The following HELQ variants were observed in gnomAD, a reference collection of about 807,000 sequenced individuals.
HELQ encodes helicase, POLQ like, also known as helicase POLQ-like.
Under a neutral mutation model 111.6 loss-of-function variants are expected in HELQ, and 77 were observed. The observed-to-expected ratio is 0.69, with a 90% CI of 0.57 to 0.83. HELQ has a LOEUF of 0.83. HELQ is among the 40% of genes least tolerant of loss of function. The pLI, the probability that HELQ is intolerant of heterozygous loss-of-function variation, is 0.00. For synonymous variants in HELQ, 438 were observed against 454.7 expected (o/e 0.96, Z 0.47); for missense variants, 1,200 against 1,288.5 (o/e 0.93, Z 1.05).
chr4:83,455,654 G>A lies in HELQ; in HGVS notation c.40C>T (p.Leu14Phe). ...CGSRIRRRVS[L>F]PKRNRPSLGC... is the part of the protein sequence containing the mutation. The stretch of plus-strand genomic sequence containing the variant: ...AAGCTTGGACGGTTCCTTTTGGGGA[G>A]AGACACCCGCCGGCGGATGCGGGAA... Residue 14 changes from leucine to phenylalanine, a missense_variant, in exon 1 of 18, where the codon CTC becomes TTC. Around this residue, in one of 3 missense-constraint regions of HELQ, gnomAD observed 610 missense variants for 607.1 expected, o/e 1.00. Transcript: ENST00000295488. 8 of 1,612,540 alleles carry A rather than the reference G, an allele frequency of 5.0e-6. No individual in the cohort carries two copies. The highest frequency in any genetic ancestry group is 6.8e-6 in the Non-Finnish European group (8 of 1,179,974).
intron 8 of HELQ, among the ~76,000 whole-genome samples, 184 bp from the exon 9 acceptor site, chr4:83,437,281 C>G (rs1048685813): frequency 2.0e-5 from 3 of 152,124 alleles, no homozygotes; most frequent in African/African-American, 7.2e-5. Flanking sequence ...GTCTCTCAAT[C>G]TTTTTGTGGA....
At position 83,407,509 on chromosome 4, in the gene HELQ, G is replaced by A; in HGVS notation, c.3250C>T (p.Leu1084=). The change falls in exon 18 of 18, where the codon CTA becomes TTA. Residue 1084 remains leucine, a synonymous_variant. Transcript: ENST00000295488. The stretch of plus-strand genomic sequence containing the variant: ...CCAGGGAAATCAGAAGGCAATCTTA[G>A]TAACTCTTCTACCTCTTCTTGCAGG... ...EALQEEVEEL[L]RLPSDFPGAV... 1 of 1,611,806 alleles carries A rather than the reference G, an allele frequency of 6.2e-7. No homozygotes were observed.
At chr4:83,449,786 C>A (rs1464022155) in intron 2 of HELQ, among the ~76,000 whole-genome samples, 1 of 151,594 alleles carries the variant, frequency 6.6e-6, no homozygotes, top group Non-Finnish European at 1.5e-5. Flanking sequence ...ATGCAAATGG[C>A]CAATAAATAC....
At position 83,455,468 on chromosome 4, in the gene HELQ, C is replaced by A. The variant is rs569351182; in HGVS notation, c.226G>T (p.Val76Phe). 1.2e-6 allele frequency: 2 copies of A among 1,614,186 alleles called. No individual in the cohort carries two copies. Among genetic ancestry groups the A allele is most frequent in the East Asian group, 4.5e-5 (2 of 44,888 alleles). ...LLLSDSPECLVLGGGDTNPDL... is the reference protein window; with the variant it reads ...LLLSDSPECLFLGGGDTNPDL... The stretch of plus-strand genomic sequence containing the variant: ...GGGTTTGTATCACCACCTCCAAGGA[C>A]GAGACATTCCGGGGAATCTGAGAGT... Residue 76 changes from valine to phenylalanine, a missense_variant, in exon 1 of 18, where the codon GTC becomes TTC. Val to Phe is a conservative substitution (Grantham distance 50). Around this residue, in one of 3 missense-constraint regions of HELQ, gnomAD observed 610 missense variants for 607.1 expected, o/e 1.00. Coordinates refer to ENST00000295488, the MANE Select transcript of HELQ (RefSeq NM_133636.5).
intron 7 of HELQ, among the ~76,000 whole-genome samples, 185 bp from the exon 8 acceptor site, chr4:83,440,193 TC>T (rs1224820925): frequency 6.6e-6 from 1 of 152,206 alleles, no homozygotes; most frequent in Non-Finnish European, 1.5e-5. Context: ...ATCTCACTTT[TC>T]TTTTAGGTTA....
intron 13 of HELQ, among the ~76,000 whole-genome samples, chr4:83,427,220 T>C (rs1719894673): frequency 6.6e-6 from 1 of 152,188 alleles, no homozygotes; most frequent in Non-Finnish European, 1.5e-5. Flanking sequence ...AATATGTTTA[T>C]ATTTAAGAGA....
At chr4:83,449,453 C>A (rs1721231138) in intron 2 of HELQ, among the ~76,000 whole-genome samples, 1 of 152,238 alleles carries the variant, frequency 6.6e-6, no homozygotes, top group South Asian at 2.1e-4. Context: ...AACTAGCTCT[C>A]ATGGAGACCT....
rs1213095843 is a variant in HELQ at position 83,453,235 on chromosome 4, T to C, written c.1008A>G (p.Leu336=). The part of the protein sequence containing the change: ...LYAQFKGIEK[L]YEWQHTCLTL... ...TATTCCAGCAAAAAGCATTACCATA[T>C]AATTTTTCAATTCCCTTGAATTGGG... Residue 336 remains leucine, a synonymous_variant, in exon 2 of 18, where the codon TTA becomes TTG. Coordinates refer to ENST00000295488, the MANE Select transcript of HELQ (RefSeq NM_133636.5). 2 of 1,593,346 alleles carry C rather than the reference T, an allele frequency of 1.3e-6. No individual in the cohort carries two copies. Among genetic ancestry groups the C allele is most frequent in the African/African-American group, 2.7e-5 (2 of 73,720 alleles).
chr4:83,455,751 A>G lies in HELQ; in HGVS notation c.-58T>C. On this transcript the variant is annotated 5_prime_UTR_variant, in exon 1 of 18. It removes an upstream start codon present in the reference 5' UTR. Transcript: ENST00000295488. ...TCTCAGTGACCCAGACGCTAAGCCC[A>G]TATGGAAGGGAGAGTGGGACGCCGG... is the stretch of plus-strand genomic sequence containing the variant. 6.6e-7 allele frequency: 1 copy of G among 1,516,992 alleles called. No homozygotes were observed. Among genetic ancestry groups the G allele is most frequent in the Admixed American group, 1.8e-5 (1 of 56,484 alleles). The allele number at this position is 1,516,992 out of a possible 1,614,324, so 94.0% of individuals were successfully genotyped here.
chr4:83,424,073 GTAAT>G (rs1283617355), intron 14 of HELQ, among the ~76,000 whole-genome samples: 2 of 152,042 alleles, frequency 1.3e-5, no homozygotes, highest in African/African-American at 2.4e-5. Flanking sequence ...CATTAAACTA[GTAAT>G]TAATCCATTT....
chr4:83,446,198 A>T (rs1196391956), intron 4 of HELQ, 112 bp from the exon 5 acceptor site: 8 of 711,488 alleles, frequency 1.1e-5, no homozygotes, highest in African/African-American at 1.8e-5. Context: ...TATAACTTTT[A>T]AGTATTTTGA....
Position 83,453,477 on chromosome 4 carries a change from T to A in HELQ, c.766A>T (p.Ser256Cys). The A allele has an allele frequency of 6.2e-7, 1 of 1,612,054 alleles. No homozygotes were observed. The highest frequency in any genetic ancestry group is 8.5e-7 in the Non-Finnish European group (1 of 1,179,522). ...CTTTTTCTCCTGTTCATATCTGAAC[T>A]AGTTCTGACTTTGGAAGAGGACTCA... ...NDESSSKVRT[S>C]SDMNRRKSIK... The change falls in exon 2 of 18, where the codon AGT (serine) becomes TGT (cysteine). Residue 256 changes from serine to cysteine, a missense_variant. Coordinates refer to ENST00000295488, the MANE Select transcript of HELQ (RefSeq NM_133636.5).
intron 15 of HELQ, 79 bp downstream of exon 15, chr4:83,421,484 G>A (rs1739679458): frequency 3.0e-6 from 3 of 1,014,930 alleles, no homozygotes; most frequent in Non-Finnish European, 2.9e-6. Flanking sequence ...CTGACATACT[G>A]ACTAACTGGC....
intron 17 of HELQ, among the ~76,000 whole-genome samples, chr4:83,409,298 C>A (rs969914618): frequency 2.6e-5 from 4 of 152,116 alleles, no homozygotes; most frequent in African/African-American, 9.7e-5. Context: ...TGCCTGTAAT[C>A]CCAGCACTTT....
chr4:83,425,121 A>G (rs961447727), intron 14 of HELQ, among the ~76,000 whole-genome samples: 2 of 151,916 alleles, frequency 1.3e-5, no homozygotes, highest in African/African-American at 4.8e-5. Context: ...CTCTCCTAAA[A>G]ATACAAAAAT....
In HELQ at chr4:83,439,892, T is replaced by A. The variant is rs1274824657; in HGVS notation, c.1779A>T (p.Val593=). ...FCPSKKNCEN[V]AEMICKFLSK... is the part of the protein sequence containing the mutation. ...TTAAAAATTTGCATATCATTTCTGCTACATTTTCACAGTTCTTCTTACTAG... is the reference window on the plus strand; with the variant it reads ...TTAAAAATTTGCATATCATTTCTGCAACATTTTCACAGTTCTTCTTACTAG... The change falls in exon 8 of 18, where the codon GTA becomes GTT. Residue 593 remains valine, a synonymous_variant. Transcript: ENST00000295488. The A allele has an allele frequency of 6.3e-7, 1 of 1,595,568 alleles. No homozygotes were observed. Among genetic ancestry groups the A allele is most frequent in the Non-Finnish European group, 8.6e-7 (1 of 1,167,026 alleles).
chr4:83,423,172 C>T lies in HELQ; in HGVS notation c.2776-1436G>A, dbSNP rs545475649. ...TAGAGGTTGGGAGTGGTAGCTCACACCTGTAATCCCAGCACTTTGGAAGGC... is the reference window on the plus strand; with the variant it reads ...TAGAGGTTGGGAGTGGTAGCTCACATCTGTAATCCCAGCACTTTGGAAGGC... On this transcript the variant is annotated intron_variant, in intron 14 of 17. Coordinates refer to ENST00000295488, the MANE Select transcript of HELQ (RefSeq NM_133636.5). Among the ~76,000 whole-genome samples the T allele has an allele frequency of 1.3e-5, 2 of 152,178 alleles. 1 individual carries two copies. The highest frequency in any genetic ancestry group is 4.1e-4 in the South Asian group (2 of 4,828).
Position 83,453,955 on chromosome 4 carries a change from GAAC to G in HELQ, c.298-13_298-11del. The stretch of plus-strand genomic sequence containing the variant: ...CTTCACTGTCATTAGGCTGCAAAGA[GAAC>G]AAAAACGCTTATGGTCAATTCCAGT... On this transcript the variant is annotated splice_polypyrimidine_tract_variant and intron_variant, in intron 1 of 17. Transcript: ENST00000295488. 6.7e-7 allele frequency: 1 copy of G among 1,487,434 alleles called. No individual in the cohort carries two copies. The highest frequency in any genetic ancestry group is 9.3e-7 in the Non-Finnish European group (1 of 1,080,210). 92.1% of individuals were successfully genotyped at this position (1,487,434 alleles called of 1,614,324 possible).
At chr4:83,445,750 C>G (rs947696476) in intron 5 of HELQ, among the ~76,000 whole-genome samples, 1 of 152,212 alleles carries the variant, frequency 6.6e-6, no homozygotes, top group African/African-American at 2.4e-5. Flanking sequence ...CATTATTATC[C>G]TTGTTTTACA....
Sources: allele counts gnomAD v4.1 joint callset (sites outside exome capture counted in the v4.1 genomes callset), GRCh38; gene constraint gnomAD v4.1.1; regional missense constraint gnomAD v4.1.1; transcripts MANE v1.5; gene names NCBI Gene and HGNC (gene_info 2026-07-23, HGNC 2026-07-21).